Variants in PRELID2 observed in about 807,000 individuals in gnomAD.
PRELID2 encodes PRELI domain-containing protein 2.
Under a neutral mutation model 28.4 loss-of-function variants are expected in PRELID2, and 25 were observed. That is an observed-to-expected ratio of 0.88 (90% CI 0.64 to 1.23). PRELID2 has a LOEUF of 1.23. Ranked by LOEUF, PRELID2 falls within the 50% of genes most tolerant of loss-of-function variation. The probability of loss-of-function intolerance (pLI) is 0.00; values close to 1 mark genes in which losing one functional copy is unlikely to be tolerated. For synonymous variants in PRELID2, 76 were observed against 71.6 expected (o/e 1.06, Z -0.31); for missense variants, 201 against 214.4 (o/e 0.94, Z 0.39).
At chr5:145,653,528 A>G (rs543175108) in intron 1 of PRELID2, among the ~76,000 whole-genome samples, 1 of 152,246 alleles carries the variant, frequency 6.6e-6, no homozygotes, top group Admixed American at 6.5e-5. Flanking sequence ...ATGTAAAAGA[A>G]GAGAAATTAT....
the PRELID2 span, among the ~76,000 whole-genome samples, chr5:145,368,488 T>A: frequency 1.3e-5 from 2 of 151,918 alleles, no homozygotes; most frequent in Admixed American, 1.3e-4. Context: ...CCACACCCAA[T>A]GCCTTGGAAA....
At chr5:145,560,907 C>T (rs959990524) in intron 1 of PRELID2, among the ~76,000 whole-genome samples, 17 of 152,118 alleles carry the variant, frequency 1.1e-4, no homozygotes, top group Non-Finnish European at 2.4e-4. Flanking sequence ...CTTCATCTCC[C>T]TGGAAGGAGA....
At chr5:145,679,599 C>G (rs954963209) in intron 1 of PRELID2, among the ~76,000 whole-genome samples, 3 of 152,072 alleles carry the variant, frequency 2.0e-5, no homozygotes, top group Non-Finnish European at 4.4e-5. Context: ...ATGTCTGGCA[C>G]ATATCAGATG....
intron 1 of PRELID2, among the ~76,000 whole-genome samples, chr5:145,732,434 T>C (rs147075880): frequency 3.3e-5 from 5 of 152,350 alleles, no homozygotes; most frequent in Middle Eastern, 3.4e-3. Context: ...ACTTTCTACA[T>C]TGATGGACAT....
intron 1 of PRELID2, among the ~76,000 whole-genome samples, chr5:145,676,161 G>A (rs955318368): frequency 2.0e-5 from 3 of 150,530 alleles, no homozygotes; most frequent in African/African-American, 4.9e-5. Context: ...CAGAGGTTGC[G>A]GTGAGCCCAG....
the PRELID2 span, among the ~76,000 whole-genome samples, chr5:145,429,281 G>A: frequency 6.6e-6 from 1 of 152,162 alleles, no homozygotes; most frequent in Non-Finnish European, 1.5e-5. Flanking sequence ...AGGAAGGTAG[G>A]GTTAACAAGA....
intron 1 of PRELID2, among the ~76,000 whole-genome samples, chr5:145,510,293 T>C (rs1158893771): frequency 6.6e-6 from 1 of 152,204 alleles, no homozygotes; most frequent in Non-Finnish European, 1.5e-5. Context: ...CACCACACTT[T>C]TTCCCAGACT....
Position 145,672,283 on chromosome 5 carries a change from G to C in PRELID2, n.70+92648C>G, listed in dbSNP as rs146179297. Among the ~76,000 whole-genome samples, 195 of 152,250 alleles carry C rather than the reference G, an allele frequency of 1.3e-3. 2 individuals carry two copies. The highest frequency in any genetic ancestry group is 4.6e-3 in the African/African-American group (191 of 41,548). ...TCATCTTTCACAGCAGGGTTAAAGAGAGGATTCAGAATTCTCACACATTAG... is the reference window on the plus strand; with the variant it reads ...TCATCTTTCACAGCAGGGTTAAAGACAGGATTCAGAATTCTCACACATTAG... On this transcript the variant is annotated intron_variant and non_coding_transcript_variant, in intron 1 of 2. Transcript: ENST00000510259.
At chr5:145,391,154 G>C in the PRELID2 span, among the ~76,000 whole-genome samples, 3 of 152,166 alleles carry the variant, frequency 2.0e-5, no homozygotes, top group Non-Finnish European at 2.9e-5. Flanking sequence ...CCATTCTGCG[G>C]TCTGGAGGAT....
chr5:145,590,385 A>G (rs1753211472), intron 1 of PRELID2, among the ~76,000 whole-genome samples: 1 of 152,058 alleles, frequency 6.6e-6, no homozygotes, highest in Non-Finnish European at 1.5e-5. Context: ...ACAATCTAAC[A>G]TTTCCTTATT....
the PRELID2 span, among the ~76,000 whole-genome samples, chr5:145,316,342 C>T: frequency 6.6e-6 from 1 of 152,210 alleles, no homozygotes; most frequent in African/African-American, 2.4e-5. Context: ...GACATTCTGA[C>T]ATATGTATTT....
intron 1 of PRELID2, among the ~76,000 whole-genome samples, chr5:145,659,844 C>A (rs1419625018): frequency 6.6e-6 from 1 of 152,092 alleles, no homozygotes; most frequent in Non-Finnish European, 1.5e-5. Context: ...TGAATACTTA[C>A]AATTTTTTTA....
intron 1 of PRELID2, among the ~76,000 whole-genome samples, chr5:145,617,479 G>A (rs577477364): frequency 2.0e-5 from 3 of 152,226 alleles, no homozygotes; most frequent in East Asian, 1.9e-4. Flanking sequence ...CCCTCCGTTC[G>A]GGGTTCCTGA....
chr5:145,304,401 C>A, the PRELID2 span, among the ~76,000 whole-genome samples: 1 of 152,134 alleles, frequency 6.6e-6, no homozygotes, highest in East Asian at 1.9e-4. Context: ...GAGAGACATG[C>A]ACTTTTAATA....
At chr5:145,594,839 A>G (rs1753279899) in intron 1 of PRELID2, among the ~76,000 whole-genome samples, 1 of 152,178 alleles carries the variant, frequency 6.6e-6, no homozygotes, top group African/African-American at 2.4e-5. Context: ...AAGAAGAGTC[A>G]TAATAGACCA....
intron 1 of PRELID2, among the ~76,000 whole-genome samples, chr5:145,528,817 C>T (rs115198538): frequency 6.6e-6 from 1 of 151,726 alleles, no homozygotes; most frequent in Non-Finnish European, 1.5e-5. Flanking sequence ...CAGGTCTTTT[C>T]AAAAATCAGA....
the PRELID2 span, among the ~76,000 whole-genome samples, chr5:145,374,747 C>T: frequency 6.6e-6 from 1 of 152,106 alleles, no homozygotes; most frequent in Admixed American, 6.6e-5. Flanking sequence ...CAAACTCTGA[C>T]ATCCTTTCTT....
chr5:145,444,956 CA>C, the PRELID2 span, among the ~76,000 whole-genome samples: 946 of 151,928 alleles, frequency 6.2e-3, 5 homozygotes, highest in African/African-American at 8.4e-3. Flanking sequence ...CCATATTACC[CA>C]AGCAATATAT....
chr5:145,733,559 T>G (rs542809431), intron 1 of PRELID2, among the ~76,000 whole-genome samples: 56 of 152,354 alleles, frequency 3.7e-4, no homozygotes, highest in African/African-American at 1.3e-3. Flanking sequence ...TTTCTCTAGA[T>G]GAAGCAAGAA....
Sources: allele counts gnomAD v4.1 joint callset (sites outside exome capture counted in the v4.1 genomes callset), GRCh38; gene constraint gnomAD v4.1.1; transcripts MANE v1.5; gene names NCBI Gene and HGNC (gene_info 2026-07-23, HGNC 2026-07-21).